The following MFSD12 variants were observed in gnomAD, a reference collection of about 807,000 sequenced individuals.
The protein encoded by MFSD12 is major facilitator superfamily domain-containing protein 12.
Under a neutral mutation model 51.2 loss-of-function variants are expected in MFSD12, and 67 were observed. The observed-to-expected ratio is 1.31, with a 90% CI of 1.08 to 1.60. The LOEUF is 1.60. Among genes scored for constraint, MFSD12 ranks in the 40% most tolerant of loss-of-function variants. MFSD12 has a pLI of 0.00. For synonymous variants in MFSD12, 441 were observed against 316.7 expected, an observed-to-expected ratio of 1.39 and a Z score of -4.17; for missense variants, 921 against 673.0, an observed-to-expected ratio of 1.37 and a Z score of -4.08.
At chr19:3,543,372 A>G, downstream of MFSD12, 1 of 1,549,296 alleles carries the variant, frequency 6.5e-7, no homozygotes, top group Non-Finnish European at 8.7e-7. Flanking sequence ...GACGCCTGGG[A>G]AGCCTGGTAC....
chr19:3,546,209 A>G (rs552710209), intron 7 of MFSD12, 41 bp from the exon 8 acceptor site: 1 of 1,608,198 alleles, frequency 6.2e-7, no homozygotes, highest in African/African-American at 1.3e-5. Flanking sequence ...GCACCCCGAG[A>G]TCTAGGACCC....
chr19:3,542,801 C>T (rs1476971434), downstream of MFSD12: 7 of 1,371,194 alleles, frequency 5.1e-6, no homozygotes, highest in Non-Finnish European at 6.8e-6. Context: ...CCCCAGTCTT[C>T]CCTGGGCCAT....
intron 4 of MFSD12, chr19:3,539,009 AGTT>A: frequency 1.6e-6 from 1 of 628,718 alleles, no homozygotes; most frequent in Non-Finnish European, 2.9e-6. Context: ...TGTCACCCCC[AGTT>A]GTTAAATACT....
downstream of MFSD12, chr19:3,543,899 A>C (rs1385285823): frequency 1.9e-6 from 3 of 1,550,740 alleles, no homozygotes; most frequent in East Asian, 7.3e-5. Context: ...CCCTGTCGGC[A>C]CCCCAGCGCC....
In MFSD12 at chr19:3,544,445, C is replaced by T. The variant is rs554285356; in HGVS notation, c.*265G>A. The T allele has an allele frequency of 9.0e-5, 121 of 1,341,308 alleles. No homozygotes were observed. Among genetic ancestry groups the T allele is most frequent in the Admixed American group, 3.0e-4 (9 of 29,948 alleles). The allele number at this position is 1,341,308 out of a possible 1,614,324, so 83.1% of individuals were successfully genotyped here. ...GGGATTCCTACTTCCTGTTCCCTGC[C>T]GAGAGGGGCACCCCAAATCCTCCAG... is the stretch of plus-strand genomic sequence containing the variant. On this transcript the variant is annotated 3_prime_UTR_variant, in exon 10 of 10. Coordinates refer to ENST00000355415, the MANE Select transcript of MFSD12 (RefSeq NM_174983.5).
At chr19:3,552,877 T>C (rs1410893455) in intron 1 of MFSD12, among the ~76,000 whole-genome samples, 1 of 151,946 alleles carries the variant, frequency 6.6e-6, no homozygotes, top group African/African-American at 2.4e-5. Context: ...GATGGGAAAA[T>C]TGAGGCCCCT....
At chr19:3,545,308 G>GCCCACAGCTCTCTGTGAGT (rs2030902675) in intron 8 of MFSD12, among the ~76,000 whole-genome samples, 1 of 152,144 alleles carries the variant, frequency 6.6e-6, no homozygotes, top group African/African-American at 2.4e-5. Flanking sequence ...TCCCTCTTCT[G>GCCCACAGCTCTCTGTGAGT]CCCACAGCTC....
intron 1 of MFSD12, among the ~76,000 whole-genome samples, chr19:3,552,006 C>A (rs956024031): frequency 6.6e-6 from 1 of 152,136 alleles, no homozygotes; most frequent in African/African-American, 2.4e-5. Flanking sequence ...ACGGGAATGT[C>A]ACCTCCTCGA....
chr19:3,539,287 C>CAA, downstream of MFSD12: 1 of 1,390,050 alleles, frequency 7.2e-7, no homozygotes, highest in Non-Finnish European at 1.0e-6. Flanking sequence ...AGGTGAGCCC[C>CAA]TCCCAGCCCC....
In MFSD12 at chr19:3,551,949, C is replaced by G. The variant is rs1035237116; in HGVS notation, c.299-755G>C. ...CATGGGCGTGCCTCTGCCTAGAGCT[C>G]TCTCTCACATCTTAGCAAGACTGGC... On this transcript the variant is annotated intron_variant, in intron 1 of 9. Coordinates refer to ENST00000355415, the MANE Select transcript of MFSD12 (RefSeq NM_174983.5). The surrounding 1 kb of genome is among the most constrained non-coding windows in gnomAD (Gnocchi z 4.6). Among the ~76,000 whole-genome samples the G allele has an allele frequency of 6.6e-6, 1 of 152,080 alleles. No homozygotes were observed. The highest frequency in any genetic ancestry group is 1.5e-5 in the Non-Finnish European group (1 of 68,024).
At chr19:3,545,334 G>T (rs1426515796) in intron 8 of MFSD12, among the ~76,000 whole-genome samples, 2 of 152,136 alleles carry the variant, frequency 1.3e-5, no homozygotes, top group Non-Finnish European at 2.9e-5. Context: ...GAGTCCCACT[G>T]TCCTCAGGGT....
downstream of MFSD12, chr19:3,542,939 C>T (rs541452410): frequency 1.3e-6 from 2 of 1,483,214 alleles, no homozygotes; most frequent in African/African-American, 1.4e-5. Flanking sequence ...TAGCCAGGGC[C>T]CTTGTCCTCT....
At chr19:3,545,958 C>T (rs771367390) in intron 8 of MFSD12, 116 bp downstream of exon 8, 96 of 1,020,448 alleles carry the variant, frequency 9.4e-5, no homozygotes, top group Non-Finnish European at 1.3e-4. Context: ...CCCATTGGGG[C>T]AGGTGTCTTT....
chr19:3,542,843 T>C (rs1349527959), downstream of MFSD12: 1 of 1,378,226 alleles, frequency 7.3e-7, no homozygotes, highest in South Asian at 1.1e-5. Context: ...CACTTCTTCC[T>C]GGTGCACCTC....
chr19:3,549,284 C>T (rs1243025110), intron 2 of MFSD12, among the ~76,000 whole-genome samples: 1 of 152,166 alleles, frequency 6.6e-6, no homozygotes. Context: ...CCATCCCATC[C>T]CCTCCCCGTG....
chr19:3,547,746 G>C (rs779811953), intron 4 of MFSD12, 102 bp downstream of exon 4: 8 of 1,373,380 alleles, frequency 5.8e-6, no homozygotes, highest in South Asian at 1.5e-5. Context: ...GCTGCACCAG[G>C]GGCCACGTGT....
downstream of MFSD12, among the ~76,000 whole-genome samples, chr19:3,540,897 G>A (rs1018133248): frequency 1.0e-4 from 15 of 145,430 alleles, no homozygotes; most frequent in East Asian, 4.1e-4. Context: ...AAATCCAGGC[G>A]CAGTGGCTCA....
intron 1 of MFSD12, among the ~76,000 whole-genome samples, chr19:3,554,572 A>G (rs1350082653): frequency 6.6e-6 from 1 of 152,142 alleles, no homozygotes; most frequent in Non-Finnish European, 1.5e-5. Context: ...GCAGCTTCAA[A>G]GTGAGGACTG....
intron 2 of MFSD12, 46 bp from the exon 3 acceptor site, chr19:3,548,313 G>T: frequency 3.2e-6 from 5 of 1,540,256 alleles, no homozygotes; most frequent in Non-Finnish European, 4.4e-6. Context: ...CAGGAACCTG[G>T]GTCACTTCCT....
Sources: gnomAD v4.1 joint callset for allele counts (sites outside exome capture counted in the v4.1 genomes callset) on GRCh38, gnomAD v4.1.1 for gene constraint, Gnocchi (gnomAD v3.1) non-coding constraint, MANE v1.5 for transcripts, NCBI Gene and HGNC (gene_info 2026-07-23, HGNC 2026-07-21) for gene names.